Variants in CCDC171 observed in about 807,000 individuals in gnomAD.
CCDC171 encodes coiled-coil domain-containing protein 171.
Under a neutral mutation model 168.2 loss-of-function variants are expected in CCDC171, and 177 were observed. That is an observed-to-expected ratio of 1.05 (90% CI 0.93 to 1.19). The LOEUF (loss-of-function observed/expected upper bound fraction) is 1.19, where lower values mean the gene tolerates loss of function less well. Ranked by LOEUF, CCDC171 falls within the 50% of genes most tolerant of loss-of-function variation. The pLI is 0.00. For missense variants in CCDC171, 1,991 were observed against 1,539.0 expected, an observed-to-expected ratio of 1.29 and a Z score of -4.91; for synonymous variants, 687 against 540.8, an observed-to-expected ratio of 1.27 and a Z score of -3.75.
intron 25 of CCDC171, among the ~76,000 whole-genome samples, chr9:15,922,754 G>A (rs1453639892): frequency 6.6e-6 from 1 of 151,478 alleles, no homozygotes; most frequent in African/African-American, 2.4e-5. Context: ...TTTGTTAACA[G>A]CCATTGTAAC....
intron 25 of CCDC171, among the ~76,000 whole-genome samples, chr9:15,938,928 A>T (rs1440317214): frequency 6.6e-6 from 1 of 151,716 alleles, no homozygotes; most frequent in Non-Finnish European, 1.5e-5. Flanking sequence ...AATAGATTTT[A>T]TTTAATTTTT....
chr9:15,874,611 A>C lies in CCDC171; in HGVS notation c.3548A>C (p.Glu1183Ala). The C allele has an allele frequency of 6.2e-7, 1 of 1,606,844 alleles. No individual in the cohort carries two copies. The highest frequency in any genetic ancestry group is 1.1e-5 in the South Asian group (1 of 89,728). The change falls in exon 24 of 26, where the codon GAG becomes GCG. Residue 1183 changes from glutamate (E) to alanine (A), a missense_variant. By Grantham distance (107) the Glu-to-Ala change is moderately radical. Coordinates refer to ENST00000380701, the MANE Select transcript of CCDC171 (RefSeq NM_173550.4). ...CTACAGCTACCCAAACTGCACCTGGAGACCTTTGCAATGGAGGGGCTCAAG... is the reference window on the plus strand; with the variant it reads ...CTACAGCTACCCAAACTGCACCTGGCGACCTTTGCAATGGAGGGGCTCAAG... ...FTLQLPKLHL[E>A]TFAMEGLKGG...
chr9:15,748,255 G>T (rs1284109026), intron 18 of CCDC171, among the ~76,000 whole-genome samples: 1 of 152,052 alleles, frequency 6.6e-6, no homozygotes, highest in African/African-American at 2.4e-5. Flanking sequence ...GAAATAAAAC[G>T]AGAAGACAAG....
At chr9:16,049,427 A>C (rs1833715874) in intron 1 of CCDC171, among the ~76,000 whole-genome samples, 1 of 152,182 alleles carries the variant, frequency 6.6e-6, no homozygotes, top group Non-Finnish European at 1.5e-5. Context: ...TTAGGCAGGG[A>C]AGATCTGCCC....
chr9:15,624,806 A>C lies in CCDC171; in HGVS notation c.822+1393A>C, dbSNP rs529364015. 3.3e-5 allele frequency among the ~76,000 whole-genome samples: 5 copies of C among 152,328 alleles called. No individual in the cohort carries two copies. In the East Asian group the frequency reaches 9.6e-4, roughly 29 times the overall value. ...ATGTGTCTTTATAGCAGCATGATTT[A>C]TAATCCTTTGGGTATATGCCCAGTA... is the stretch of plus-strand genomic sequence containing the variant. On this transcript the variant is annotated intron_variant, in intron 7 of 25. Transcript: ENST00000380701.
At chr9:15,978,468 G>A (rs182922638), downstream of CCDC171, among the ~76,000 whole-genome samples, 22 of 152,256 alleles carry the variant, frequency 1.4e-4, no homozygotes, top group East Asian at 1.7e-3. Flanking sequence ...CAGCTTCAGC[G>A]TCCCTCCTGG....
At chr9:15,756,344 C>T (rs1209344037) in intron 18 of CCDC171, among the ~76,000 whole-genome samples, 1 of 152,086 alleles carries the variant, frequency 6.6e-6, no homozygotes. Context: ...TTTCTATCAG[C>T]TCACACAAGA....
At chr9:15,948,684 T>G (rs4269632) in intron 25 of CCDC171, among the ~76,000 whole-genome samples, 110,715 of 150,776 alleles carry the variant, frequency 0.73, 42,309 homozygotes, top group East Asian at 0.85. Context: ...TTTTTTTCTT[T>G]TAAATTTGTT....
At chr9:16,076,236 A>T in the CCDC171 span, among the ~76,000 whole-genome samples, 1 of 152,272 alleles carries the variant, frequency 6.6e-6, no homozygotes, top group Non-Finnish European at 1.5e-5. Flanking sequence ...CCAACATGGG[A>T]CAGGTAATTA....
intron 24 of CCDC171, among the ~76,000 whole-genome samples, chr9:15,918,228 A>G (rs538993255): frequency 1.1e-4 from 17 of 151,564 alleles, no homozygotes; most frequent in Non-Finnish European, 2.4e-4. Context: ...GAAATTAAGC[A>G]TGTAATATGC....
At chr9:15,935,446 A>G (rs1232383644) in intron 25 of CCDC171, among the ~76,000 whole-genome samples, 1 of 152,060 alleles carries the variant, frequency 6.6e-6, no homozygotes, top group African/African-American at 2.4e-5. Flanking sequence ...AAATTCTTCA[A>G]TTGAAGTTAC....
intron 3 of CCDC171, among the ~76,000 whole-genome samples, chr9:15,980,057 A>T (rs1193540781): frequency 6.6e-6 from 1 of 152,164 alleles, no homozygotes; most frequent in East Asian, 1.9e-4. Context: ...GCAAAACTTA[A>T]TAAGGACTTG....
At chr9:15,938,210 G>A (rs1348358844) in intron 25 of CCDC171, among the ~76,000 whole-genome samples, 2 of 151,782 alleles carry the variant, frequency 1.3e-5, no homozygotes, top group East Asian at 3.9e-4. Flanking sequence ...ATACCATGCT[G>A]TTTGGGTCTA....
chr9:15,928,854 G>A (rs1218625029), intron 25 of CCDC171, among the ~76,000 whole-genome samples: 6 of 151,548 alleles, frequency 4.0e-5, no homozygotes, highest in Non-Finnish European at 5.9e-5. Flanking sequence ...AAACTCAAGA[G>A]TTGTTTGTAT....
chr9:16,007,890 G>C (rs1414042799), intron 3 of CCDC171, among the ~76,000 whole-genome samples: 1 of 152,064 alleles, frequency 6.6e-6, no homozygotes, highest in African/African-American at 2.4e-5. Context: ...TGTTCTTTTG[G>C]CTTAGGATTG....
At chr9:15,644,973 C>G (rs552770169) in intron 7 of CCDC171, among the ~76,000 whole-genome samples, 1 of 152,372 alleles carries the variant, frequency 6.6e-6, no homozygotes, top group African/African-American at 2.4e-5. Flanking sequence ...CCTGAGTAGC[C>G]TACCTGGGAG....
the CCDC171 span, among the ~76,000 whole-genome samples, chr9:16,076,366 G>A: frequency 6.6e-6 from 1 of 152,176 alleles, no homozygotes; most frequent in African/African-American, 2.4e-5. Context: ...GTCAACCAAA[G>A]GGTTCCCCAC....
At chr9:16,057,714 G>C (rs1833863765) in intron 1 of CCDC171, among the ~76,000 whole-genome samples, 1 of 152,188 alleles carries the variant, frequency 6.6e-6, no homozygotes, top group Admixed American at 6.5e-5. Flanking sequence ...CCTGTTGCCA[G>C]ACCGGGAGGT....
intron 3 of CCDC171, among the ~76,000 whole-genome samples, chr9:15,578,407 G>GTATTAT (rs36232245): frequency 0.032 from 4,339 of 134,230 alleles, 98 homozygotes; most frequent in African/African-American, 0.05. Context: ...GTTAATTTTT[G>GTATTAT]TATTATTATT....
Sources: allele counts gnomAD v4.1 joint callset (sites outside exome capture counted in the v4.1 genomes callset), GRCh38; gene constraint gnomAD v4.1.1; transcripts MANE v1.5; gene names NCBI Gene and HGNC (gene_info 2026-07-23, HGNC 2026-07-21).